Variants in SERPINA9 observed in about 807,000 individuals in gnomAD.
SERPINA9 encodes the protein serpin A9.
A neutral mutation model predicts 24.5 loss-of-function variants in SERPINA9; 32 were observed. That is an observed-to-expected ratio of 1.30 (90% CI 0.98 to 1.75). SERPINA9 has a LOEUF of 1.75. Ranked by LOEUF, SERPINA9 falls within the 40% of genes most tolerant of loss-of-function variation. The pLI is 0.00. For missense variants in SERPINA9, 594 were observed against 497.1 expected (o/e 1.19, Z -1.85); for synonymous variants, 233 against 197.7 (o/e 1.18, Z -1.50).
At chr14:94,463,434 G>A in intron 4 of SERPINA9, 138 bp from the exon 5 acceptor site, 1 of 721,342 alleles carries the variant, frequency 1.4e-6, no homozygotes, top group Non-Finnish European at 2.4e-6. Context: ...CTGGCATTGG[G>A]TTTACTCAAT....
intron 1 of SERPINA9, chr14:94,470,250 C>T: frequency 7.1e-6 from 7 of 992,004 alleles, no homozygotes; most frequent in Non-Finnish European, 8.4e-6. Flanking sequence ...GGTTTCTCAC[C>T]CTTTGGAGGT....
chr14:94,474,297 G>C lies in SERPINA9; in HGVS notation c.-18+1839C>G, dbSNP rs370540709. On this transcript the variant is annotated intron_variant, in intron 1 of 4. Coordinates refer to ENST00000674397, the MANE Select transcript of SERPINA9 (RefSeq NM_175739.4). Reference sequence around the variant, plus strand: ...TCAGCAGAGGTGGCCTATTAGACGCGGCCTCCACGCCCCAAGTCTTGTTTC... The same window carrying C: ...TCAGCAGAGGTGGCCTATTAGACGCCGCCTCCACGCCCCAAGTCTTGTTTC... Among the ~76,000 whole-genome samples, 15 of 152,274 alleles carry C rather than the reference G, an allele frequency of 9.9e-5. No individual in the cohort carries two copies. In the East Asian group the frequency reaches 2.9e-3, roughly 29 times the overall value.
chr14:94,462,820 C>G lies in SERPINA9; in HGVS notation c.*273G>C. On this transcript the variant is annotated 3_prime_UTR_variant, in exon 5 of 5. Coordinates refer to ENST00000674397, the MANE Select transcript of SERPINA9 (RefSeq NM_175739.4). ...TTGGCGTATTTCCATTCCTGGGAGCCCCAAGGAATGGAAATATGGTAACCC... is the reference window on the plus strand; with the variant it reads ...TTGGCGTATTTCCATTCCTGGGAGCGCCAAGGAATGGAAATATGGTAACCC... The G allele has an allele frequency of 2.4e-6, 1 of 424,126 alleles. No homozygotes were observed. Among genetic ancestry groups the G allele is most frequent in the Non-Finnish European group, 4.3e-6 (1 of 230,400 alleles). 26.3% of individuals were successfully genotyped at this position (424,126 alleles called of 1,614,324 possible).
chr14:94,470,540 T>G (rs1432870577), intron 1 of SERPINA9, among the ~76,000 whole-genome samples: 1 of 152,204 alleles, frequency 6.6e-6, no homozygotes, highest in Non-Finnish European at 1.5e-5. Context: ...AATGACCTGA[T>G]AGCAATTTCA....
intron 3 of SERPINA9, among the ~76,000 whole-genome samples, chr14:94,465,147 C>G (rs1041376625): frequency 2.6e-5 from 4 of 152,150 alleles, no homozygotes; most frequent in African/African-American, 9.7e-5. Context: ...CAGGAGACGT[C>G]CAGTAGCAAT....
chr14:94,466,062 C>T (rs1898990442), intron 3 of SERPINA9, among the ~76,000 whole-genome samples: 1 of 152,178 alleles, frequency 6.6e-6, no homozygotes, highest in South Asian at 2.1e-4. Context: ...CCTGTTTTCT[C>T]TGTGCTCCAT....
intron 1 of SERPINA9, among the ~76,000 whole-genome samples, chr14:94,472,053 G>A (rs1595671363): frequency 6.6e-6 from 1 of 152,148 alleles, no homozygotes; most frequent in East Asian, 1.9e-4. Flanking sequence ...TAGAAGTGTT[G>A]GGGCTACAAT....
Position 94,467,108 on chromosome 14 carries a change from C to T in SERPINA9, c.902+1G>A, listed in dbSNP as rs1204143864. The T allele has an allele frequency of 6.2e-7, 1 of 1,612,556 alleles. No individual in the cohort carries two copies. The highest frequency in any genetic ancestry group is 1.3e-5 in the African/African-American group (1 of 74,920). On this transcript the variant is annotated splice_donor_variant, in intron 3 of 4. Transcript: ENST00000674397. LOFTEE classifies it high-confidence loss of function. ...CCCAGGAGATTGACACAGATGCCCA[C>T]CTTTTCTGGAGTGAGTGGCTCCACT...
At chr14:94,475,826 C>T (rs151330407) in intron 1 of SERPINA9, 5 of 459,744 alleles carry the variant, frequency 1.1e-5, no homozygotes, top group African/African-American at 2.0e-5. Flanking sequence ...ACTCCTTTCA[C>T]CCTCTCATTT....
chr14:94,466,920 C>G (rs1899028667), intron 3 of SERPINA9, among the ~76,000 whole-genome samples, 189 bp downstream of exon 3: 1 of 152,234 alleles, frequency 6.6e-6, no homozygotes, highest in South Asian at 2.1e-4. Context: ...GGTACTAAGA[C>G]TCCTCATCAG....
chr14:94,473,939 G>A (rs550712217), intron 1 of SERPINA9, among the ~76,000 whole-genome samples: 3 of 152,392 alleles, frequency 2.0e-5, no homozygotes, highest in Non-Finnish European at 2.9e-5. Flanking sequence ...GCGAGACAAC[G>A]TCTGCAGAAC....
In SERPINA9 at chr14:94,464,750, T is replaced by C. The variant is rs1898915932; in HGVS notation, c.1007A>G (p.Asp336Gly). The change falls in exon 4 of 5, where the codon GAT (aspartate) becomes GGT (glycine). Residue 336 changes from aspartate (D) to glycine (G), a missense_variant. Asp to Gly is a moderately conservative substitution (Grantham distance 94). Coordinates refer to ENST00000674397, the MANE Select transcript of SERPINA9 (RefSeq NM_175739.4). ...GTCTCTCTTTGCAATTCCAGAAAAA[T>C]CAGCATTTTTGTCAAAGACATTTTG... ...GIQNVFDKNA[D>G]FSGIAKRDSL... 1 of 1,613,732 alleles carries C rather than the reference T, an allele frequency of 6.2e-7. No homozygotes were observed. The highest frequency in any genetic ancestry group is 1.3e-5 in the African/African-American group (1 of 74,906).
chr14:94,467,130 C>A lies in SERPINA9; in HGVS notation c.881G>T (p.Trp294Leu). 6.2e-7 allele frequency: 1 copy of A among 1,614,064 alleles called. No homozygotes were observed. Among genetic ancestry groups the A allele is most frequent in the Non-Finnish European group, 8.5e-7 (1 of 1,179,960 alleles). The change falls in exon 3 of 5, where the codon TGG (tryptophan) becomes TTG (leucine). Residue 294 changes from tryptophan to leucine, a missense_variant. By Grantham distance (61) the Trp-to-Leu change is moderately conservative. Transcript: ENST00000674397. ...CCACCTTTTCTGGAGTGAGTGGCTCCACTTTCTCAGTGTTCTGGCTGACAA... is the reference window on the plus strand; with the variant it reads ...CCACCTTTTCTGGAGTGAGTGGCTCAACTTTCTCAGTGTTCTGGCTGACAA... ...QALSARTLRKWSHSLQKRWIE... is the reference protein window; with the variant it reads ...QALSARTLRKLSHSLQKRWIE...
chr14:94,469,925 A>G (rs1899230158), intron 1 of SERPINA9, 68 bp from the exon 2 acceptor site: 2 of 1,292,168 alleles, frequency 1.5e-6, no homozygotes, highest in Non-Finnish European at 2.1e-6. Context: ...GAGACCCTTT[A>G]ACACCCCCAC....
At chr14:94,466,709 C>A (rs1309127953) in intron 3 of SERPINA9, among the ~76,000 whole-genome samples, 4 of 152,162 alleles carry the variant, frequency 2.6e-5, no homozygotes, top group Non-Finnish European at 5.9e-5. Context: ...TTTCACCAAC[C>A]TTTGGATTTG....
At chr14:94,475,040 T>A (rs2139825807) in intron 1 of SERPINA9, among the ~76,000 whole-genome samples, 1 of 152,298 alleles carries the variant, frequency 6.6e-6, no homozygotes, top group Non-Finnish European at 1.5e-5. Flanking sequence ...ATTCCTCAAT[T>A]CCACCCCATC....
chr14:94,469,391 G>T lies in SERPINA9; in HGVS notation c.450C>A (p.Gly150=), dbSNP rs1308357350. 6.2e-7 allele frequency: 1 copy of T among 1,614,010 alleles called. No individual in the cohort carries two copies. Among genetic ancestry groups the T allele is most frequent in the Non-Finnish European group, 8.5e-7 (1 of 1,180,034 alleles). The change falls in exon 2 of 5, where the codon GGC becomes GGA. Residue 150 remains glycine, a synonymous_variant. Coordinates refer to ENST00000674397, the MANE Select transcript of SERPINA9 (RefSeq NM_175739.4). ...KELQLQANFL[G]NVKRLYEAEV... The stretch of plus-strand genomic sequence containing the variant: ...CTGCTTCATACAGCCTCTTGACATT[G>T]CCCAAGAAATTTGCCTGCAGCTGCA...
chr14:94,468,892 A>G (rs1300981747), intron 2 of SERPINA9, among the ~76,000 whole-genome samples: 1 of 152,238 alleles, frequency 6.6e-6, no homozygotes, highest in African/African-American at 2.4e-5. Context: ...GCAGTGGGAC[A>G]GCTGCTGGTG....
chr14:94,475,815 C>A (rs1899603340), intron 1 of SERPINA9: 2 of 426,370 alleles, frequency 4.7e-6, no homozygotes, highest in Admixed American at 4.0e-5. Flanking sequence ...ACAACAAAAA[C>A]ACTCCTTTCA....
Sources: gnomAD v4.1 joint callset for allele counts (sites outside exome capture counted in the v4.1 genomes callset) on GRCh38, gnomAD v4.1.1 for gene constraint, MANE v1.5 for transcripts, NCBI Gene and HGNC (gene_info 2026-07-23, HGNC 2026-07-21) for gene names.